The following UBR4 variants were observed in gnomAD, a reference collection of about 807,000 sequenced individuals.
The protein encoded by UBR4 is ubiquitin protein ligase E3 component n-recognin 4, also known as E3 ubiquitin-protein ligase UBR4.
Under a neutral mutation model 575.6 loss-of-function variants are expected in UBR4, and 124 were observed. The observed-to-expected ratio is 0.22, with a 90% confidence interval of 0.19 to 0.25. The LOEUF is 0.25. Ranked by LOEUF, UBR4 falls within the 10% of genes least tolerant of loss-of-function variation. UBR4 has a pLI of 1.00. For missense variants in UBR4, 4,818 were observed against 6,478.8 expected (o/e 0.74, Z 8.80); for synonymous variants, 2,455 against 2,473.7 (o/e 0.99, Z 0.22).
At position 19,100,406 on chromosome 1, in the gene UBR4, C is replaced by T; in HGVS notation, c.13191G>A (p.Val4397=). The T allele has an allele frequency of 1.2e-6, 2 of 1,614,144 alleles. No individual in the cohort carries two copies. The highest frequency in any genetic ancestry group is 2.2e-5 in the East Asian group (1 of 44,878). ...TGCCACTGTCATCTTCCAGGAGGGC[C>T]ACTAAGTCACAGTCCTGGCAAATCT... ...KNKICQDCDL[V]ALLEDDSGME... The change falls in exon 89 of 106, where the codon GTG becomes GTA. Residue 4397 remains valine, a synonymous_variant. Coordinates refer to ENST00000375254, the MANE Select transcript of UBR4 (RefSeq NM_020765.3). This position sits in a 1 kb window ranked among gnomAD's most constrained non-coding sequence, Gnocchi z 4.2.
Position 19,084,503 on chromosome 1 carries a change from C to T in UBR4, c.15008+1G>A, listed in dbSNP as rs111915726. On this transcript the variant is annotated splice_donor_variant, in intron 102 of 105. Coordinates refer to ENST00000375254, the MANE Select transcript of UBR4 (RefSeq NM_020765.3). LOFTEE classifies it high-confidence loss of function. ...CCGCCCCTGGGACACAGGGTACTGA[C>T]GTGTTCAGGACGTAAAGCACAGTGT... 1 of 1,607,544 alleles carries T rather than the reference C, an allele frequency of 6.2e-7. No homozygotes were observed. Among genetic ancestry groups the T allele is most frequent in the Non-Finnish European group, 8.5e-7 (1 of 1,175,332 alleles).
At position 19,144,782 on chromosome 1, in the gene UBR4, G is replaced by A. The variant is rs368903491; in HGVS notation, c.8067+4C>T. 5.6e-6 allele frequency: 9 copies of A among 1,613,590 alleles called. No homozygotes were observed. The highest frequency in any genetic ancestry group is 3.3e-5 in the South Asian group (3 of 91,020). The stretch of plus-strand genomic sequence containing the variant: ...GAGCTCTCTGGGATTGTAATGCTAC[G>A]TACAGGACACAAGAGCATCTGCATG... On this transcript the variant is annotated splice_donor_region_variant and intron_variant, in intron 54 of 105. Coordinates refer to ENST00000375254, the MANE Select transcript of UBR4 (RefSeq NM_020765.3).
At position 19,157,530 on chromosome 1, in the gene UBR4, C is replaced by T. The variant is rs2150416162; in HGVS notation, c.5760+285G>A. 6.6e-6 allele frequency among the ~76,000 whole-genome samples: 1 copy of T among 152,342 alleles called. No individual in the cohort carries two copies. Among genetic ancestry groups the T allele is most frequent in the African/African-American group, 2.4e-5 (1 of 41,570 alleles). On this transcript the variant is annotated intron_variant, in intron 40 of 105. Transcript: ENST00000375254. This position sits in a 1 kb window ranked among gnomAD's most constrained non-coding sequence, Gnocchi z 4.4. ...GCAAGACTGGGAGCCAAGCCGTCCT[C>T]GGTAACTGCTAATCATTACTTTTTC...
intron 86 of UBR4, 136 bp downstream of exon 86, chr1:19,104,448 GA>G (rs1230112832): frequency 1.3e-5 from 15 of 1,184,740 alleles, no homozygotes; most frequent in Admixed American, 2.5e-5. Flanking sequence ...TATCAATACA[GA>G]AAAAAAATGC....
chr1:19,157,974 T>C lies in UBR4; in HGVS notation c.5601A>G (p.Glu1867=), dbSNP rs1229905575. The C allele has an allele frequency of 3.1e-6, 5 of 1,613,108 alleles. No homozygotes were observed. The highest frequency in any genetic ancestry group is 4.2e-6 in the Non-Finnish European group (5 of 1,179,154). ...QLMVPTLGSQ[E]GAFENVRMNY... Reference sequence around the variant, plus strand: ...TCATCCGCACATTCTCAAAGGCACCTTCCTGGGACCCTAAGGTGGGAACCT... The same window carrying C: ...TCATCCGCACATTCTCAAAGGCACCCTCCTGGGACCCTAAGGTGGGAACCT... The change falls in exon 40 of 106, where the codon GAA becomes GAG. Residue 1867 remains glutamate, a synonymous_variant. Coordinates refer to ENST00000375254, the MANE Select transcript of UBR4 (RefSeq NM_020765.3). This position sits in a 1 kb window ranked among gnomAD's most constrained non-coding sequence, Gnocchi z 4.4.
Position 19,128,231 on chromosome 1 carries a change from C to G in UBR4, c.9091G>C (p.Glu3031Gln), listed in dbSNP as rs1184745349. 3.1e-6 allele frequency: 5 copies of G among 1,614,060 alleles called. No homozygotes were observed. In the South Asian group the frequency reaches 4.4e-5, roughly 14 times the overall value. ...LDNLLSQLIA[E>Q]LGMDKKDVSK... The stretch of plus-strand genomic sequence containing the variant: ...TTTACCTTTTTATCCATACCCAACT[C>G]AGCAATAAGCTGGGAGAGCAGGTTG... Residue 3031 changes from glutamate (E) to glutamine (Q), a missense_variant, in exon 62 of 106, where the codon GAG (glutamate) becomes CAG (glutamine). Transcript: ENST00000375254.
chr1:19,210,175 G>A lies in UBR4; in HGVS notation c.74C>T (p.Thr25Met), dbSNP rs1402627901. 1 of 1,522,950 alleles carries A rather than the reference G, an allele frequency of 6.6e-7. No homozygotes were observed. The highest frequency in any genetic ancestry group is 1.2e-5 in the South Asian group (1 of 80,830). The allele number at this position is 1,522,950 out of a possible 1,614,324, so 94.3% of individuals were successfully genotyped here. ...APGTPATGAD[T>M]TPGWEVAVRP... ...CACAGCCACCTCCCAGCCCGGGGTC[G>A]TGTCCGCCCCCGTTGCCGGGGTCCC... The change falls in exon 1 of 106, where the codon ACG becomes ATG. Residue 25 changes from threonine to methionine, a missense_variant. By Grantham distance (81) the Thr-to-Met change is moderately conservative (BLOSUM62 -1). This residue lies in a region of UBR4 where 95 missense variants were observed against 87.7 expected (regional missense o/e 1.08). Transcript: ENST00000375254.
In UBR4 at chr1:19,124,579, G is replaced by C. The variant is rs745756140; in HGVS notation, c.9550C>G (p.Pro3184Ala). Residue 3184 changes from proline to alanine, a missense_variant, in exon 65 of 106, where the codon CCT becomes GCT. By Grantham distance (27) the Pro-to-Ala change is conservative (BLOSUM62 -1). Transcript: ENST00000375254. ...TAAAACCACGAGTGGTCAAAGACAG[G>C]AGGTGGGATTCGAGAATTGGTGTCA... is the stretch of plus-strand genomic sequence containing the variant. ...ITDTNSRIPP[P>A]VFDHSWFYFL... The C allele has an allele frequency of 6.2e-7, 1 of 1,614,232 alleles. No individual in the cohort carries two copies. The highest frequency in any genetic ancestry group is 1.7e-5 in the Admixed American group (1 of 60,030).
Position 19,192,548 on chromosome 1 carries a change from A to G in UBR4, c.1144-8T>C. 1 of 1,614,160 alleles carries G rather than the reference A, an allele frequency of 6.2e-7. No individual in the cohort carries two copies. The highest frequency in any genetic ancestry group is 8.5e-7 in the Non-Finnish European group (1 of 1,180,028). ...CATGTCATAGATTTCGAGCTGTACA[A>G]TATCAAACAGACACAAAAATCTGAA... On this transcript the variant is annotated splice_region_variant and splice_polypyrimidine_tract_variant and intron_variant, in intron 9 of 105. Transcript: ENST00000375254.
In UBR4 at chr1:19,145,851, G is replaced by C. The variant is rs1464883927; in HGVS notation, c.7887C>G (p.Phe2629Leu). 6.2e-7 allele frequency: 1 copy of C among 1,614,222 alleles called. No individual in the cohort carries two copies. The part of the protein sequence containing the change: ...CSFITQLVNH[F>L]WKLHASKPKN... ...TGGGTTTGGATGCATGGAGTTTCCA[G>C]AAGTGGTTCACAAGCTGGGTGATGA... The change falls in exon 53 of 106, where the codon TTC becomes TTG. Residue 2629 changes from phenylalanine to leucine, a missense_variant. Around this residue, in one of 29 missense-constraint regions of UBR4, gnomAD observed 340 missense variants for 375.4 expected, o/e 0.91. Transcript: ENST00000375254.
At position 19,164,786 on chromosome 1, in the gene UBR4, G is replaced by A. The variant is rs2088034886; in HGVS notation, c.4511+13C>T. ...GTTGCTAGGGAAACACGACAGAAAT[G>A]TAGTTGTTCTACCTGTTTTCCCGAA... On this transcript the variant is annotated intron_variant, in intron 32 of 105. Transcript: ENST00000375254. 3.7e-6 allele frequency: 6 copies of A among 1,612,220 alleles called. No homozygotes were observed. Among genetic ancestry groups the A allele is most frequent in the South Asian group, 1.1e-5 (1 of 91,076 alleles).
In UBR4 at chr1:19,110,900, G is replaced by A; in HGVS notation, c.11802-68C>T. 1 of 1,473,162 alleles carries A rather than the reference G, an allele frequency of 6.8e-7. No homozygotes were observed. The highest frequency in any genetic ancestry group is 9.3e-7 in the Non-Finnish European group (1 of 1,076,954). The allele number at this position is 1,473,162 out of a possible 1,614,324, so 91.3% of individuals were successfully genotyped here. On this transcript the variant is annotated intron_variant, in intron 78 of 105. Transcript: ENST00000375254. This position sits in a 1 kb window ranked among gnomAD's most constrained non-coding sequence, Gnocchi z 4.5. ...GGTGTGACACTCCTTTCCACCTGAA[G>A]GGGCCCAGGGAAAATGAAATCAATG... is the stretch of plus-strand genomic sequence containing the variant.
Position 19,153,916 on chromosome 1 carries a change from G to A in UBR4, c.6482C>T (p.Ser2161Phe). The A allele has an allele frequency of 6.2e-7, 1 of 1,614,072 alleles. No individual in the cohort carries two copies. The highest frequency in any genetic ancestry group is 8.5e-7 in the Non-Finnish European group (1 of 1,179,994). The change falls in exon 45 of 106, where the codon TCT (serine) becomes TTT (phenylalanine). Residue 2161 changes from serine (S) to phenylalanine (F), a missense_variant. Ser to Phe is a radical substitution (Grantham distance 155). Coordinates refer to ENST00000375254, the MANE Select transcript of UBR4 (RefSeq NM_020765.3). This position sits in a 1 kb window ranked among gnomAD's most constrained non-coding sequence, Gnocchi z 4.1. ...CTCAGACCACTGGCAAAGAGCAGGA[G>A]AAGTCTTACTGCCACCATTGGAACT... ...IKSSNGGSKT[S>F]PALCQWSEVM...
Position 19,210,213 on chromosome 1 carries a change from C to CGCT in UBR4, c.33_35dup (p.Ala13dup). On this transcript the variant is annotated inframe_insertion, in exon 1 of 106. Coordinates refer to ENST00000375254, the MANE Select transcript of UBR4 (RefSeq NM_020765.3). Reference sequence around the variant, plus strand: ...TTGCCGGGGTCCCCGGCGCCGGAGCCGCTGCCGCCGCCTCTTCGCCGCCGC... The same window carrying CGCT: ...TTGCCGGGGTCCCCGGCGCCGGAGCCGCTGCTGCCGCCGCCTCTTCGCCGCCGC... 1 of 1,450,758 alleles carries CGCT rather than the reference C, an allele frequency of 6.9e-7. No individual in the cohort carries two copies. The allele number at this position is 1,450,758 out of a possible 1,614,324, so 89.9% of individuals were successfully genotyped here. A position where few individuals can be genotyped will look rare whatever the true frequency, so the allele number is the denominator to read the frequency against.
intron 71 of UBR4, chr1:19,118,602 T>C (rs541801649): frequency 5.4e-6 from 2 of 371,146 alleles, no homozygotes; most frequent in South Asian, 5.3e-5. Context: ...TTTAAATTTT[T>C]TTTTAAGAGA....
Position 19,169,538 on chromosome 1 carries a change from G to A in UBR4, c.3644-6C>T, listed in dbSNP as rs1048931691. 1.2e-6 allele frequency: 2 copies of A among 1,611,834 alleles called. No homozygotes were observed. Among genetic ancestry groups the A allele is most frequent in the African/African-American group, 2.7e-5 (2 of 74,848 alleles). On this transcript the variant is annotated splice_region_variant and splice_polypyrimidine_tract_variant and intron_variant, in intron 26 of 105. Transcript: ENST00000375254. ...ATTCTGAACCAGTGTCGGACCTGGA[G>A]GCGACAGAAAGGACAAGGAATCATC...
intron 68 of UBR4, among the ~76,000 whole-genome samples, chr1:19,120,743 C>A (rs2081082312): frequency 6.6e-6 from 1 of 152,150 alleles, no homozygotes; most frequent in Admixed American, 6.5e-5. Flanking sequence ...GGAATGTGAA[C>A]CACCACCATG....
Position 19,093,502 on chromosome 1 carries a change from A to G in UBR4, c.13938-16T>C. On this transcript the variant is annotated splice_polypyrimidine_tract_variant and intron_variant, in intron 95 of 105. Coordinates refer to ENST00000375254, the MANE Select transcript of UBR4 (RefSeq NM_020765.3). This position sits in a 1 kb window ranked among gnomAD's most constrained non-coding sequence, Gnocchi z 4.8. ...TTCATCATATCTAGGAGGAAAGAGC[A>G]GAGTTTGAGGGTGTGAAAGGCGGGA... is the stretch of plus-strand genomic sequence containing the variant. 6.2e-7 allele frequency: 1 copy of G among 1,613,406 alleles called. No individual in the cohort carries two copies. The highest frequency in any genetic ancestry group is 8.5e-7 in the Non-Finnish European group (1 of 1,179,508).
intron 11 of UBR4, among the ~76,000 whole-genome samples, chr1:19,190,312 A>AATAAAAATATATATATAT (rs2091966471): frequency 1.3e-5 from 1 of 79,922 alleles, no homozygotes; most frequent in African/African-American, 5.3e-5. Flanking sequence ...AAAAAAAAAA[A>AATAAAAATATATATATAT]ATATATATAT....
Sources: gnomAD v4.1 joint callset for allele counts (sites outside exome capture counted in the v4.1 genomes callset) on GRCh38, gnomAD v4.1.1 for gene constraint, gnomAD v4.1.1 regional missense constraint, Gnocchi (gnomAD v3.1) non-coding constraint, MANE v1.5 for transcripts, NCBI Gene and HGNC (gene_info 2026-07-23, HGNC 2026-07-21) for gene names.